The following LTBP2 variants were observed in gnomAD, a reference collection of about 807,000 sequenced individuals.
LTBP2 encodes the protein latent-transforming growth factor beta-binding protein 2.
A neutral mutation model predicts 210.6 loss-of-function variants in LTBP2; 103 were observed. The observed-to-expected ratio is 0.49, with a 90% CI of 0.42 to 0.58. The LOEUF (loss-of-function observed/expected upper bound fraction) is 0.58. LTBP2 is among the 20% of genes least tolerant of loss of function. The probability of loss-of-function intolerance (pLI) is 0.00; values close to 1 mark genes in which losing one functional copy is unlikely to be tolerated. For synonymous variants in LTBP2, 1,007 were observed against 1,015.0 expected, an observed-to-expected ratio of 0.99 and a Z score of 0.15; for missense variants, 2,313 against 2,494.5, an observed-to-expected ratio of 0.93 and a Z score of 1.55.
intron 2 of LTBP2, among the ~76,000 whole-genome samples, chr14:74,592,423 C>T (rs2088295055): frequency 6.6e-6 from 1 of 152,182 alleles, no homozygotes; most frequent in Admixed American, 6.5e-5. Context: ...AATCCCAGCA[C>T]TTTAGGAGGC....
At chr14:74,556,943 T>C (rs1056778994) in intron 3 of LTBP2, among the ~76,000 whole-genome samples, 4 of 152,210 alleles carry the variant, frequency 2.6e-5, no homozygotes, top group African/African-American at 7.2e-5. Flanking sequence ...AAAAATGTTA[T>C]AGGAAACATC....
rs1027113437 is a variant in LTBP2, at chr14:74,550,987, AGAG to A, written c.1686+74_1686+76del. On this transcript the variant is annotated intron_variant, in intron 7 of 35. Coordinates refer to ENST00000261978, the MANE Select transcript of LTBP2 (RefSeq NM_000428.3). ...CATTCCATAAGAACAAAGAGGACAG[AGAG>A]GAGGAGAAGGGCAGACTGGGGACAA... The A allele has an allele frequency of 9.8e-5, 151 of 1,543,016 alleles. 1 individual carries two copies. Among genetic ancestry groups the A allele is most frequent in the Admixed American group, 3.3e-5 (2 of 59,790 alleles).
chr14:74,609,017 TGAA>T (rs1331280245), intron 1 of LTBP2, among the ~76,000 whole-genome samples: 7 of 152,328 alleles, frequency 4.6e-5, no homozygotes, highest in Admixed American at 1.3e-4. Context: ...GTCGAATGAA[TGAA>T]GAAGCTCCAG....
At chr14:74,511,414 G>GGGTA in intron 18 of LTBP2, 50 bp from the exon 19 acceptor site, 1 of 1,611,948 alleles carries the variant, frequency 6.2e-7, no homozygotes. Context: ...CATAGCAAAT[G>GGGTA]GGTAGGTCTG....
intron 1 of LTBP2, among the ~76,000 whole-genome samples, chr14:74,604,635 C>T (rs1311871040): frequency 1.3e-5 from 2 of 151,514 alleles, no homozygotes; most frequent in Non-Finnish European, 2.9e-5. Context: ...AACCTCAGTC[C>T]TGCCACCATG....
chr14:74,591,295 C>A (rs1281254227), intron 2 of LTBP2, among the ~76,000 whole-genome samples: 2 of 152,184 alleles, frequency 1.3e-5, no homozygotes, highest in African/African-American at 4.8e-5. Context: ...TTAGGGCTGG[C>A]AAACTTTGGT....
At position 74,499,694 on chromosome 14, in the gene LTBP2, T is replaced by C. The variant is rs1201378830; in HGVS notation, c.*1190A>G. ...AGTAGGCACAGCCTCATCTCTAATA[T>C]TTAGACTTAGCCAACATGGTAAAGA... On this transcript the variant is annotated 3_prime_UTR_variant, in exon 36 of 36. Coordinates refer to ENST00000261978, the MANE Select transcript of LTBP2 (RefSeq NM_000428.3). 4.4e-6 allele frequency: 1 copy of C among 225,246 alleles called. No homozygotes were observed. The highest frequency in any genetic ancestry group is 8.8e-6 in the Non-Finnish European group (1 of 113,144). 14.0% of individuals were successfully genotyped at this position (225,246 alleles called of 1,614,324 possible).
chr14:74,507,956 C>A lies in LTBP2; in HGVS notation c.3775+17G>T, dbSNP rs939410301. 1.9e-6 allele frequency: 3 copies of A among 1,612,158 alleles called. No individual in the cohort carries two copies. Among genetic ancestry groups the A allele is most frequent in the African/African-American group, 2.7e-5 (2 of 75,008 alleles). On this transcript the variant is annotated intron_variant, in intron 25 of 35. Transcript: ENST00000261978. ...AGATGTGGGCAGAGCCCTGTGCCCTCCCCCCAGAGCCCTTACCCACACACT... is the reference window on the plus strand; with the variant it reads ...AGATGTGGGCAGAGCCCTGTGCCCTACCCCCAGAGCCCTTACCCACACACT...
chr14:74,592,286 T>C (rs147367676), intron 2 of LTBP2, among the ~76,000 whole-genome samples: 194 of 152,258 alleles, frequency 1.3e-3, no homozygotes, highest in African/African-American at 4.4e-3. Flanking sequence ...CTGTGGGAAT[T>C]TTAAGAGAGA....
intron 9 of LTBP2, among the ~76,000 whole-genome samples, chr14:74,533,779 CT>C (rs1219461662): frequency 6.6e-6 from 1 of 152,214 alleles, no homozygotes; most frequent in Non-Finnish European, 1.5e-5. Flanking sequence ...CCTTTTCCTG[CT>C]GCAAACTTCT....
Position 74,553,009 on chromosome 14 carries a change from T to C in LTBP2, c.1075A>G (p.Ile359Val). Residue 359 changes from isoleucine (I) to valine (V), a missense_variant, in exon 5 of 36, where the codon ATC becomes GTC. Ile to Val is a conservative substitution (Grantham distance 29). Around this residue, in one of 3 missense-constraint regions of LTBP2, gnomAD observed 1,867 missense variants for 1,976.9 expected, o/e 0.94. Transcript: ENST00000261978. ...CCACGGGCACAGGTCTGCTTGCAGA[T>C]GGTGGGAGTGAAGACGATCTTGATC... The part of the protein sequence containing the change: ...KKIKIVFTPT[I>V]CKQTCARGHC... The C allele has an allele frequency of 1.2e-6, 2 of 1,614,118 alleles. No individual in the cohort carries two copies. The highest frequency in any genetic ancestry group is 2.2e-5 in the East Asian group (1 of 44,872).
In LTBP2 at chr14:74,503,238, C is replaced by T. The variant is rs61738022; in HGVS notation, c.4869G>A (p.Leu1623=). 8.2e-5 allele frequency: 133 copies of T among 1,613,952 alleles called. No individual in the cohort carries two copies. The highest frequency in any genetic ancestry group is 1.6e-5 in the Non-Finnish European group (19 of 1,180,060). The change falls in exon 33 of 36, where the codon CTG becomes CTA. Residue 1623 remains leucine, a synonymous_variant. Coordinates refer to ENST00000261978, the MANE Select transcript of LTBP2 (RefSeq NM_000428.3). ...CCTCACCAGAGCTCCTCGGGGGACA[C>T]AGAGCACACTGCTGGCTCCAGGCCT... The part of the protein sequence containing the change: ...DGEAWSQQCA[L]CPPRSSEVYA...
At chr14:74,506,587 C>T in intron 27 of LTBP2, 111 bp downstream of exon 27, 1 of 1,532,660 alleles carries the variant, frequency 6.5e-7, no homozygotes. Flanking sequence ...CTCCCTTGCC[C>T]ATGCTCTGGG....
At chr14:74,542,241 C>T (rs1164150357) in intron 8 of LTBP2, among the ~76,000 whole-genome samples, 2 of 152,250 alleles carry the variant, frequency 1.3e-5, no homozygotes, top group Non-Finnish European at 1.5e-5. Context: ...CCACCCTCTG[C>T]CGTGCCTCGG....
chr14:74,533,345 A>T (rs1483668491), intron 9 of LTBP2, among the ~76,000 whole-genome samples: 1 of 152,062 alleles, frequency 6.6e-6, no homozygotes, highest in African/African-American at 2.4e-5. Context: ...GCACAGAGTC[A>T]TTCAGCTGGA....
intron 7 of LTBP2, among the ~76,000 whole-genome samples, chr14:74,550,753 G>T (rs946761816): frequency 1.3e-5 from 2 of 152,202 alleles, no homozygotes; most frequent in East Asian, 1.9e-4. Context: ...TGTGCCAGGG[G>T]TCATAGGATC....
At chr14:74,561,391 A>G (rs144439667) in intron 3 of LTBP2, among the ~76,000 whole-genome samples, 1 of 152,242 alleles carries the variant, frequency 6.6e-6, no homozygotes, top group African/African-American at 2.4e-5. Flanking sequence ...TATATACATC[A>G]TCTTATCTAT....
chr14:74,604,360 G>C (rs888680007), intron 1 of LTBP2, among the ~76,000 whole-genome samples: 2 of 152,130 alleles, frequency 1.3e-5, no homozygotes, highest in African/African-American at 4.8e-5. Context: ...TGAGCCCTGA[G>C]TGGGCACTGA....
intron 1 of LTBP2, among the ~76,000 whole-genome samples, chr14:74,604,484 G>A (rs2088496263): frequency 6.6e-6 from 1 of 152,066 alleles, no homozygotes; most frequent in Non-Finnish European, 1.5e-5. Flanking sequence ...TTATGTGGAG[G>A]CACAATTTTT....
Sources: allele counts gnomAD v4.1 joint callset (sites outside exome capture counted in the v4.1 genomes callset), GRCh38; gene constraint gnomAD v4.1.1; regional missense constraint gnomAD v4.1.1; transcripts MANE v1.5; gene names NCBI Gene and HGNC (gene_info 2026-07-23, HGNC 2026-07-21).